QSOX2: variants seen among roughly 807,000 people sequenced by gnomAD.
The protein encoded by QSOX2 is quiescin sulfhydryl oxidase 2, also known as sulfhydryl oxidase 2.
A neutral mutation model predicts 61.7 loss-of-function variants in QSOX2; 46 were observed. The observed-to-expected ratio is 0.75, with a 90% CI of 0.59 to 0.95. The LOEUF (loss-of-function observed/expected upper bound fraction) is 0.95, where lower values mean the gene tolerates loss of function less well. Among genes scored for constraint, QSOX2 ranks in the 40% least tolerant of loss-of-function variants. The pLI is 0.00. For missense variants in QSOX2, 879 were observed against 918.9 expected, an observed-to-expected ratio of 0.96 and a Z score of 0.56; for synonymous variants, 383 against 388.4, an observed-to-expected ratio of 0.99 and a Z score of 0.16.
chr9:136,218,285 T>C (rs1831936922), intron 8 of QSOX2, among the ~76,000 whole-genome samples: 1 of 151,494 alleles, frequency 6.6e-6, no homozygotes, highest in Non-Finnish European at 1.5e-5. Context: ...ACACCCCACC[T>C]GGATCTGCAC....
At position 136,208,543 on chromosome 9, in the gene QSOX2, C is replaced by A. The variant is rs867851735; in HGVS notation, c.*185G>T. On this transcript the variant is annotated 3_prime_UTR_variant, in exon 12 of 12. Coordinates refer to ENST00000358701, the MANE Select transcript of QSOX2 (RefSeq NM_181701.4). Reference sequence around the variant, plus strand: ...TGCAAATATCCCCACAAAATTACCCCGTGTTCTTCCCTTGTTAGAAGAGCG... The same window carrying A: ...TGCAAATATCCCCACAAAATTACCCAGTGTTCTTCCCTTGTTAGAAGAGCG... 6 of 641,792 alleles carry A rather than the reference C, an allele frequency of 9.3e-6. No individual in the cohort carries two copies. The highest frequency in any genetic ancestry group is 1.5e-5 in the Non-Finnish European group (6 of 392,868). 39.8% of individuals were successfully genotyped at this position (641,792 alleles called of 1,614,324 possible). A position where few individuals can be genotyped will look rare whatever the true frequency, so the allele number is the denominator to read the frequency against.
At chr9:136,215,403 A>G in intron 9 of QSOX2, 99 bp from the exon 10 acceptor site, 2 of 454,156 alleles carry the variant, frequency 4.4e-6, no homozygotes, top group South Asian at 2.0e-5. Context: ...GGGGTGGATA[A>G]TGGGGGTGTG....
intron 2 of QSOX2, among the ~76,000 whole-genome samples, chr9:136,225,689 G>A (rs1172090353): frequency 6.6e-6 from 1 of 152,248 alleles, no homozygotes; most frequent in Non-Finnish European, 1.5e-5. Flanking sequence ...CCGGGAAGGC[G>A]CACAGCAGCG....
intron 3 of QSOX2, among the ~76,000 whole-genome samples, chr9:136,224,448 C>T (rs564329627): frequency 1.4e-4 from 21 of 152,066 alleles, no homozygotes; most frequent in Non-Finnish European, 2.6e-4. Context: ...CCCCAGGGCG[C>T]GGCGAGGAGC....
At chr9:136,210,243 C>T (rs903136817) in intron 11 of QSOX2, 79 of 985,362 alleles carry the variant, frequency 8.0e-5, no homozygotes, top group Middle Eastern at 5.2e-4. Context: ...GGCACATCTC[C>T]GAGGGGCCTC....
At chr9:136,225,898 A>G (rs2131059885) in intron 2 of QSOX2, among the ~76,000 whole-genome samples, 1 of 152,354 alleles carries the variant, frequency 6.6e-6, no homozygotes, top group Non-Finnish European at 1.5e-5. Flanking sequence ...AAATCAAAAT[A>G]CAACAGGAAG....
intron 1 of QSOX2, among the ~76,000 whole-genome samples, chr9:136,233,532 C>T (rs896190744): frequency 3.4e-4 from 52 of 152,230 alleles, no homozygotes; most frequent in Non-Finnish European, 1.0e-4. Flanking sequence ...AAGACGCCAT[C>T]GTTGTTATAG....
At chr9:136,236,647 G>C (rs547563407) in intron 1 of QSOX2, among the ~76,000 whole-genome samples, 1 of 152,218 alleles carries the variant, frequency 6.6e-6, no homozygotes, top group African/African-American at 2.4e-5. Flanking sequence ...AATTCCCAGC[G>C]TCAGGAGTGC....
chr9:136,222,468 C>T lies in QSOX2; in HGVS notation c.676-527G>A, dbSNP rs758251753. On this transcript the variant is annotated intron_variant, in intron 5 of 11. Transcript: ENST00000358701. The surrounding 1 kb of genome is among the most constrained non-coding windows in gnomAD (Gnocchi z 6.9). ...AGGATTTTGGAAGAAACCCTGCGTG[C>T]GCCACCACCACATCGGGCGTACGTC... Among the ~76,000 whole-genome samples the T allele has an allele frequency of 3.9e-5, 6 of 152,304 alleles. No individual in the cohort carries two copies. Among genetic ancestry groups the T allele is most frequent in the South Asian group, 4.1e-4 (2 of 4,828 alleles).
chr9:136,216,871 TG>T, intron 8 of QSOX2, 149 bp from the exon 9 acceptor site: 1 of 1,015,296 alleles, frequency 9.8e-7, no homozygotes, highest in Non-Finnish European at 1.4e-6. Context: ...GTTTCTCTGA[TG>T]GGAGGCAGGA....
At chr9:136,231,426 C>T (rs745318719) in intron 1 of QSOX2, among the ~76,000 whole-genome samples, 6 of 152,250 alleles carry the variant, frequency 3.9e-5, no homozygotes, top group African/African-American at 4.8e-5. Flanking sequence ...CCGCAGGACA[C>T]GCTGCCTCCT....
rs1831824998 is a variant in QSOX2, at chr9:136,209,907, G to A, written c.1550-632C>T. 10 of 985,282 alleles carry A rather than the reference G, an allele frequency of 1.0e-5. No homozygotes were observed. The highest frequency in any genetic ancestry group is 6.1e-5 in the Admixed American group (1 of 16,274). 61.0% of individuals were successfully genotyped at this position (985,282 alleles called of 1,614,324 possible). ...TCACTTCCAGGCCCAACAGGCATCC[G>A]TCATGCAGAAGCTGCGGCGCACGGC... On this transcript the variant is annotated intron_variant, in intron 11 of 11. Transcript: ENST00000358701. The surrounding 1 kb of genome is among the most constrained non-coding windows in gnomAD (Gnocchi z 5.6).
At chr9:136,233,811 C>T (rs1447738358) in intron 1 of QSOX2, among the ~76,000 whole-genome samples, 1 of 152,230 alleles carries the variant, frequency 6.6e-6, no homozygotes, top group Non-Finnish European at 1.5e-5. Context: ...TCTCAACACT[C>T]GAGACGGTTT....
chr9:136,231,938 G>A (rs903830525), intron 1 of QSOX2, among the ~76,000 whole-genome samples: 7 of 78,790 alleles, frequency 8.9e-5, no homozygotes, highest in South Asian at 4.4e-4. Context: ...CGCCTCCTCC[G>A]CAGGTCCCAT....
intron 11 of QSOX2, chr9:136,210,700 T>G: frequency 1.0e-6 from 1 of 985,316 alleles, no homozygotes; most frequent in Non-Finnish European, 1.2e-6. Context: ...ACCAATAGTT[T>G]AGTGGCATTT....
intron 1 of QSOX2, among the ~76,000 whole-genome samples, chr9:136,235,949 A>C (rs750121365): frequency 9.2e-5 from 14 of 152,200 alleles, no homozygotes; most frequent in Non-Finnish European, 1.8e-4. Context: ...TGTGGAGAGC[A>C]GTTTCCATCG....
chr9:136,211,241 C>T lies in QSOX2; in HGVS notation c.1549+23G>A, dbSNP rs533618764. The T allele has an allele frequency of 1.2e-4, 193 of 1,611,692 alleles. 1 individual carries two copies. In the South Asian group the frequency reaches 1.9e-3, roughly 16 times the overall value. On this transcript the variant is annotated intron_variant, in intron 11 of 11. Transcript: ENST00000358701. ...GGCCTCCCTCCGCCCGTGCTGAGCC[C>T]CCCATGCCCAGGGGCTTCTCACCTG...
intron 9 of QSOX2, among the ~76,000 whole-genome samples, 193 bp from the exon 10 acceptor site, chr9:136,215,497 G>A (rs1457064885): frequency 3.3e-5 from 5 of 152,038 alleles, no homozygotes. Flanking sequence ...ACAAAAGAGA[G>A]GAAATGGTCT....
At position 136,213,683 on chromosome 9, in the gene QSOX2, G is replaced by C. The variant is rs553217996; in HGVS notation, c.1360+1471C>G. On this transcript the variant is annotated intron_variant, in intron 10 of 11. Coordinates refer to ENST00000358701, the MANE Select transcript of QSOX2 (RefSeq NM_181701.4). ...CGGGACACTCTCCCATTAACAGGTG[G>C]AATCTATTTCTCTCACCACGAATTT... Among the ~76,000 whole-genome samples the C allele has an allele frequency of 3.9e-5, 6 of 152,100 alleles. No homozygotes were observed. The East Asian group carries it at 9.7e-4, about 24-fold the overall frequency.
Sources: gnomAD v4.1 joint callset for allele counts (sites outside exome capture counted in the v4.1 genomes callset) on GRCh38, gnomAD v4.1.1 for gene constraint, Gnocchi (gnomAD v3.1) non-coding constraint, MANE v1.5 for transcripts, NCBI Gene and HGNC (gene_info 2026-07-23, HGNC 2026-07-21) for gene names.